DLG2: variants seen among roughly 807,000 people sequenced by gnomAD.
The protein encoded by DLG2 is disks large homolog 2.
DLG2 carries 45 observed loss-of-function variants against 132.5 expected under a neutral mutation model. That is an observed-to-expected ratio of 0.34 (90% CI 0.27 to 0.44). The LOEUF is 0.44. Among genes scored for constraint, DLG2 ranks in the 20% least tolerant of loss-of-function variants. The pLI, the probability that DLG2 is intolerant of heterozygous loss-of-function variation, is 1.00. For missense variants in DLG2, 1,045 were observed against 1,196.9 expected (o/e 0.87, Z 1.87); for synonymous variants, 424 against 419.6 (o/e 1.01, Z -0.13).
At chr11:83,681,630 A>G (rs1415175456) in intron 18 of DLG2, among the ~76,000 whole-genome samples, 2 of 152,132 alleles carry the variant, frequency 1.3e-5, no homozygotes, top group Non-Finnish European at 2.9e-5. Context: ...CACCATACTG[A>G]GTTTCACAAT....
chr11:85,497,241 G>T (rs915677146), intron 3 of DLG2, among the ~76,000 whole-genome samples: 1 of 151,898 alleles, frequency 6.6e-6, no homozygotes, highest in South Asian at 2.1e-4. Flanking sequence ...TAAATGACCT[G>T]ATGGAGCTGA....
At chr11:83,522,928 A>G (rs2095520259) in intron 21 of DLG2, among the ~76,000 whole-genome samples, 1 of 151,338 alleles carries the variant, frequency 6.6e-6, no homozygotes, top group African/African-American at 2.4e-5. Context: ...TTATTTTTTA[A>G]AAAAACCTTT....
chr11:83,526,324 A>G (rs1336604216), intron 21 of DLG2, among the ~76,000 whole-genome samples: 3 of 152,168 alleles, frequency 2.0e-5, no homozygotes, highest in Non-Finnish European at 4.4e-5. Context: ...GAATACTGTA[A>G]TAGCTTTCTC....
At chr11:85,319,917 G>A (rs116081962) in intron 3 of DLG2, among the ~76,000 whole-genome samples, 76 of 151,914 alleles carry the variant, frequency 5.0e-4, no homozygotes, top group African/African-American at 1.8e-3. Flanking sequence ...AAAGTTTACA[G>A]CTTGGCTATT....
intron 25 of DLG2, among the ~76,000 whole-genome samples, 167 bp downstream of exon 25, chr11:83,469,034 G>A (rs2091618263): frequency 6.6e-6 from 1 of 150,986 alleles, no homozygotes; most frequent in East Asian, 1.9e-4. Context: ...TTAGAACAAA[G>A]ATTAATGACA....
At chr11:84,703,441 G>A (rs1000052011) in intron 6 of DLG2, among the ~76,000 whole-genome samples, 1 of 151,358 alleles carries the variant, frequency 6.6e-6, no homozygotes, top group South Asian at 2.1e-4. Context: ...GATAAGCAGT[G>A]GGTGCTGAAA....
chr11:84,221,789 T>C (rs905857654), intron 8 of DLG2, among the ~76,000 whole-genome samples: 2 of 152,142 alleles, frequency 1.3e-5, no homozygotes, highest in African/African-American at 4.8e-5. Context: ...CTGCCACGTT[T>C]GTCTCATGTA....
chr11:83,771,870 T>C (rs1469705225), intron 18 of DLG2, among the ~76,000 whole-genome samples: 2 of 152,230 alleles, frequency 1.3e-5, no homozygotes, highest in East Asian at 3.9e-4. Flanking sequence ...AATATCTTTA[T>C]ATGAAGATGT....
rs1391262093 is a variant in DLG2, at chr11:84,345,146, G to C, written c.520-93855C>G. Among the ~76,000 whole-genome samples, 5 of 152,242 alleles carry C rather than the reference G, an allele frequency of 3.3e-5. No individual in the cohort carries two copies. The East Asian group carries it at 9.7e-4, about 29-fold the overall frequency. ...ACTCATGAAAATAAGAGAAAAGAAAGAAAAGAAATGTCAGCCAGATCATTT... is the reference window on the plus strand; with the variant it reads ...ACTCATGAAAATAAGAGAAAAGAAACAAAAGAAATGTCAGCCAGATCATTT... On this transcript the variant is annotated intron_variant, in intron 7 of 27. Coordinates refer to ENST00000376104, the MANE Select transcript of DLG2 (RefSeq NM_001142699.3).
At chr11:84,710,040 G>A (rs1008175590) in intron 6 of DLG2, among the ~76,000 whole-genome samples, 2 of 151,914 alleles carry the variant, frequency 1.3e-5, no homozygotes, top group African/African-American at 4.8e-5. Context: ...GCCCTCATCT[G>A]ATATTAGTTG....
intron 9 of DLG2, among the ~76,000 whole-genome samples, chr11:84,113,325 T>C (rs1195063888): frequency 2.6e-5 from 4 of 152,146 alleles, no homozygotes; most frequent in African/African-American, 7.2e-5. Flanking sequence ...AAAATAAAAA[T>C]ACTGTGCAAT....
chr11:83,533,733 G>C (rs1163688657), intron 20 of DLG2, among the ~76,000 whole-genome samples: 1 of 152,206 alleles, frequency 6.6e-6, no homozygotes, highest in Non-Finnish European at 1.5e-5. Context: ...GGATATATAG[G>C]ATAGGGCAGT....
chr11:84,619,924 A>G (rs1315080036), intron 6 of DLG2, among the ~76,000 whole-genome samples: 2 of 151,784 alleles, frequency 1.3e-5, no homozygotes, highest in Non-Finnish European at 2.9e-5. Context: ...AATAACCCCA[A>G]TAAGAATTTT....
At chr11:85,195,322 T>C (rs1381939350) in intron 4 of DLG2, among the ~76,000 whole-genome samples, 2 of 152,088 alleles carry the variant, frequency 1.3e-5, no homozygotes, top group African/African-American at 4.8e-5. Flanking sequence ...GAAGGCAGCA[T>C]GCATGGATGC....
chr11:84,554,524 A>G (rs1170239301), intron 6 of DLG2, among the ~76,000 whole-genome samples: 1 of 152,138 alleles, frequency 6.6e-6, no homozygotes, highest in Non-Finnish European at 1.5e-5. Flanking sequence ...AGGTGGGCAG[A>G]TCACCTGAGG....
At chr11:84,951,599 T>C (rs944008673) in intron 6 of DLG2, among the ~76,000 whole-genome samples, 17 of 150,190 alleles carry the variant, frequency 1.1e-4, no homozygotes, top group African/African-American at 3.4e-4. Context: ...CATATATATA[T>C]ACACATATAT....
At chr11:84,846,096 T>A (rs1312970250) in intron 6 of DLG2, among the ~76,000 whole-genome samples, 4 of 152,118 alleles carry the variant, frequency 2.6e-5, no homozygotes, top group African/African-American at 9.7e-5. Context: ...CTCTTATCTG[T>A]AACTCCTTTC....
intron 6 of DLG2, among the ~76,000 whole-genome samples, chr11:84,833,259 T>G (rs2079271992): frequency 6.6e-6 from 1 of 151,586 alleles, no homozygotes; most frequent in Non-Finnish European, 1.5e-5. Context: ...CTTACTGAGC[T>G]AATAAATTCA....
intron 8 of DLG2, among the ~76,000 whole-genome samples, chr11:84,177,330 A>T (rs570249458): frequency 6.6e-6 from 1 of 152,198 alleles, no homozygotes; most frequent in African/African-American, 2.4e-5. Flanking sequence ...ACTCTAATAC[A>T]CACATATGCA....
Sources: gnomAD v4.1 joint callset for allele counts (sites outside exome capture counted in the v4.1 genomes callset) on GRCh38, gnomAD v4.1.1 for gene constraint, MANE v1.5 for transcripts, NCBI Gene and HGNC (gene_info 2026-07-23, HGNC 2026-07-21) for gene names.